SEMA3E: variants seen among roughly 807,000 people sequenced by gnomAD.
SEMA3E encodes semaphorin 3E.
A neutral mutation model predicts 93.6 loss-of-function variants in SEMA3E; 49 were observed. That is an observed-to-expected ratio of 0.52 (90% confidence interval 0.42 to 0.66). The LOEUF (loss-of-function observed/expected upper bound fraction) is 0.66, where lower values mean the gene tolerates loss of function less well. SEMA3E is among the 30% of genes least tolerant of loss of function. The pLI, the probability that SEMA3E is intolerant of heterozygous loss-of-function variation, is 0.00. For missense variants in SEMA3E, 906 were observed against 964.8 expected (o/e 0.94, Z 0.81); for synonymous variants, 363 against 330.7 (o/e 1.10, Z -1.06).
At chr7:83,636,683 C>T (rs556491646) in intron 1 of SEMA3E, among the ~76,000 whole-genome samples, 43 of 152,128 alleles carry the variant, frequency 2.8e-4, no homozygotes, top group Non-Finnish European at 8.8e-5. Context: ...GGACAAAGAA[C>T]GTGTGATACT....
intron 1 of SEMA3E, among the ~76,000 whole-genome samples, chr7:83,639,110 CAAAAAAAAAAAAAAA>C (rs1172097095): frequency 7.3e-5 from 2 of 27,438 alleles, no homozygotes; most frequent in African/African-American, 4.2e-4. Flanking sequence ...GACTCCGTCT[CAAAAAAAAAAAAAAA>C]AAAAAAAAAA....
At chr7:83,417,780 GT>G (rs1279783038) in intron 5 of SEMA3E, among the ~76,000 whole-genome samples, 1 of 152,046 alleles carries the variant, frequency 6.6e-6, no homozygotes, top group Non-Finnish European at 1.5e-5. Context: ...AGATTGTTTG[GT>G]ACTTTGTCTA....
intron 1 of SEMA3E, among the ~76,000 whole-genome samples, chr7:83,617,801 T>A (rs1793412412): frequency 6.6e-6 from 1 of 151,542 alleles, no homozygotes; most frequent in South Asian, 2.1e-4. Flanking sequence ...AAGCATTCTT[T>A]CACAACAATT....
intron 1 of SEMA3E, among the ~76,000 whole-genome samples, chr7:83,577,339 A>G (rs1476245946): frequency 6.6e-6 from 1 of 152,142 alleles, no homozygotes; most frequent in Non-Finnish European, 1.5e-5. Flanking sequence ...TTGAAAGTTT[A>G]TGCTTTCAAT....
intron 1 of SEMA3E, among the ~76,000 whole-genome samples, chr7:83,549,335 G>A (rs1791713738): frequency 6.6e-6 from 1 of 152,014 alleles, no homozygotes; most frequent in South Asian, 2.1e-4. Flanking sequence ...AATTATAAAT[G>A]GAACAGCCCA....
intron 2 of SEMA3E, among the ~76,000 whole-genome samples, chr7:83,484,537 G>A (rs1306180204): frequency 6.6e-6 from 1 of 152,062 alleles, no homozygotes; most frequent in African/African-American, 2.4e-5. Flanking sequence ...TACCAGTTCT[G>A]CAGTGTAACT....
At chr7:83,453,787 T>G (rs1789414632) in intron 4 of SEMA3E, among the ~76,000 whole-genome samples, 1 of 152,160 alleles carries the variant, frequency 6.6e-6, no homozygotes, top group African/African-American at 2.4e-5. Context: ...AATTATAATC[T>G]GGACATTTTT....
chr7:83,541,884 AG>A (rs1346293003), intron 1 of SEMA3E, among the ~76,000 whole-genome samples: 1 of 152,074 alleles, frequency 6.6e-6, no homozygotes, highest in Non-Finnish European at 1.5e-5. Flanking sequence ...AGAACTGCAT[AG>A]GAGAACATAC....
chr7:83,389,104 T>C (rs1174797994), intron 14 of SEMA3E, among the ~76,000 whole-genome samples: 2 of 152,156 alleles, frequency 1.3e-5, no homozygotes, highest in African/African-American at 2.4e-5. Context: ...ACATGTATCA[T>C]TCTACTGAAC....
chr7:83,546,590 A>T (rs1391819130), intron 1 of SEMA3E, among the ~76,000 whole-genome samples: 1 of 152,006 alleles, frequency 6.6e-6, no homozygotes, highest in African/African-American at 2.4e-5. Flanking sequence ...GCTGATATAG[A>T]TTTCACTTTA....
At chr7:83,547,181 T>G (rs1791669018) in intron 1 of SEMA3E, among the ~76,000 whole-genome samples, 1 of 152,186 alleles carries the variant, frequency 6.6e-6, no homozygotes, top group African/African-American at 2.4e-5. Context: ...ATAAACATTA[T>G]AATTTTATTT....
intron 4 of SEMA3E, among the ~76,000 whole-genome samples, chr7:83,427,764 A>C (rs573247218): frequency 8.5e-5 from 13 of 152,086 alleles, no homozygotes; most frequent in Non-Finnish European, 1.5e-4. Context: ...CAACCAGAAA[A>C]CTTGAGCCAT....
chr7:83,639,538 A>G (rs6948835), intron 1 of SEMA3E, among the ~76,000 whole-genome samples: 52,908 of 151,332 alleles, frequency 0.35, 10,565 homozygotes, highest in Non-Finnish European at 0.44. Flanking sequence ...TCCATCCCCA[A>G]GGGTCTTACA....
At chr7:83,541,985 TAC>T (rs1791544756) in intron 1 of SEMA3E, among the ~76,000 whole-genome samples, 1 of 152,074 alleles carries the variant, frequency 6.6e-6, no homozygotes, top group African/African-American at 2.4e-5. Context: ...TGCTTGGTGC[TAC>T]AGTCAGCCAC....
chr7:83,574,655 C>T (rs1217011653), intron 1 of SEMA3E, among the ~76,000 whole-genome samples: 1 of 152,090 alleles, frequency 6.6e-6, no homozygotes, highest in Non-Finnish European at 1.5e-5. Context: ...CTTGGGGTCC[C>T]CCTTTCTTTC....
At chr7:83,536,994 C>A (rs1584316418) in intron 1 of SEMA3E, among the ~76,000 whole-genome samples, 1 of 151,852 alleles carries the variant, frequency 6.6e-6, no homozygotes. Flanking sequence ...GGATTGGCAA[C>A]CTTATGAAAA....
Position 83,394,288 on chromosome 7 carries a change from A to G in SEMA3E, c.1500+9T>C. ...CACACACCTACACACACACACACACAGAACTTACCCGCTTTGAAGAAATCT... is the reference window on the plus strand; with the variant it reads ...CACACACCTACACACACACACACACGGAACTTACCCGCTTTGAAGAAATCT... On this transcript the variant is annotated intron_variant, in intron 13 of 16. Coordinates refer to ENST00000643230, the MANE Select transcript of SEMA3E (RefSeq NM_012431.3). 1 of 1,612,532 alleles carries G rather than the reference A, an allele frequency of 6.2e-7. No individual in the cohort carries two copies. Among genetic ancestry groups the G allele is most frequent in the Non-Finnish European group, 8.5e-7 (1 of 1,179,358 alleles).
chr7:83,545,415 C>T (rs1451854329), intron 1 of SEMA3E, among the ~76,000 whole-genome samples: 1 of 151,866 alleles, frequency 6.6e-6, no homozygotes, highest in East Asian at 1.9e-4. Context: ...AATTCTTCCC[C>T]CAATCCCCAA....
At chr7:83,536,103 T>C (rs1047217121) in intron 1 of SEMA3E, among the ~76,000 whole-genome samples, 7 of 152,138 alleles carry the variant, frequency 4.6e-5, no homozygotes, top group African/African-American at 1.4e-4. Flanking sequence ...AAAGTACCTA[T>C]TCTGTTGTTT....
Sources: gnomAD v4.1 joint callset for allele counts (sites outside exome capture counted in the v4.1 genomes callset) on GRCh38, gnomAD v4.1.1 for gene constraint, MANE v1.5 for transcripts, NCBI Gene and HGNC (gene_info 2026-07-23, HGNC 2026-07-21) for gene names.